The following FAP variants were observed in gnomAD, a reference collection of about 807,000 sequenced individuals.
The protein encoded by FAP is fibroblast activation protein alpha.
In FAP, 110 loss-of-function variants were observed where a neutral mutation model predicts 126.5. That is an observed-to-expected ratio of 0.87 (90% CI 0.74 to 1.02). The LOEUF (loss-of-function observed/expected upper bound fraction) is 1.02, where lower values mean the gene tolerates loss of function less well. Ranked by LOEUF, FAP falls within the 50% of genes least tolerant of loss-of-function variation. The pLI, the probability that FAP is intolerant of heterozygous loss-of-function variation, is 0.00. For missense variants in FAP, 919 were observed against 909.2 expected, an observed-to-expected ratio of 1.01 and a Z score of -0.14; for synonymous variants, 334 against 297.3, an observed-to-expected ratio of 1.12 and a Z score of -1.27.
intron 11 of FAP, among the ~76,000 whole-genome samples, chr2:162,211,975 A>T (rs1456792835): frequency 3.3e-5 from 5 of 152,184 alleles, no homozygotes; most frequent in African/African-American, 1.2e-4. Flanking sequence ...TGTTGTTCTC[A>T]AATCTCAAAA....
Position 162,193,243 on chromosome 2 carries a change from G to A in FAP, c.1450+1458C>T, listed in dbSNP as rs555250063. The stretch of plus-strand genomic sequence containing the variant: ...CAAATTTCCAAGCATAACTTAAGAC[G>A]TACCACATTAAAATCTTTGGGGAAG... On this transcript the variant is annotated intron_variant, in intron 17 of 25. Transcript: ENST00000188790. 1.9e-3 allele frequency among the ~76,000 whole-genome samples: 287 copies of A among 152,152 alleles called. 1 individual carries two copies. The highest frequency in any genetic ancestry group is 6.4e-3 in the African/African-American group (264 of 41,496).
intron 14 of FAP, 90 bp from the exon 15 acceptor site, chr2:162,200,709 A>G: frequency 1.7e-6 from 1 of 593,686 alleles, no homozygotes; most frequent in Non-Finnish European, 2.9e-6. Context: ...CAATATAGGT[A>G]AGCATTTATC....
At chr2:162,192,989 C>T (rs1203889500) in intron 17 of FAP, among the ~76,000 whole-genome samples, 1 of 152,094 alleles carries the variant, frequency 6.6e-6, no homozygotes, top group Non-Finnish European at 1.5e-5. Flanking sequence ...TGCCCATTTC[C>T]ATGTTCATAT....
At chr2:162,227,104 A>G (rs1576191726) in intron 2 of FAP, among the ~76,000 whole-genome samples, 1 of 152,266 alleles carries the variant, frequency 6.6e-6, no homozygotes, top group East Asian at 1.9e-4. Flanking sequence ...TTTATCAATG[A>G]TGTATTTTAG....
intron 21 of FAP, among the ~76,000 whole-genome samples, chr2:162,181,332 G>A (rs964859582): frequency 6.6e-6 from 1 of 152,092 alleles, no homozygotes; most frequent in African/African-American, 2.4e-5. Context: ...GAAGAATGAA[G>A]AGAAAGGTGT....
chr2:162,236,817 G>C (rs1576202833), intron 2 of FAP, among the ~76,000 whole-genome samples: 1 of 152,202 alleles, frequency 6.6e-6, no homozygotes, highest in East Asian at 1.9e-4. Context: ...TGGCTAGGCT[G>C]GTCTTGAACT....
rs78292906 is a variant in FAP at position 162,212,493 on chromosome 2, T to C, written c.1002+1445A>G. ...TATATATAAGATAAAAATACGCTTC[T>C]AGCATATTCCATCAAAATTAGTCGA... On this transcript the variant is annotated intron_variant, in intron 11 of 25. Transcript: ENST00000188790. Among the ~76,000 whole-genome samples the C allele has an allele frequency of 4.4e-3, 672 of 152,280 alleles. 4 individuals are homozygous for C. Among genetic ancestry groups the C allele is most frequent in the Non-Finnish European group, 7.3e-3 (497 of 68,004 alleles).
At chr2:162,209,875 C>T in intron 12 of FAP, 77 bp downstream of exon 12, 8 of 1,276,436 alleles carry the variant, frequency 6.3e-6, no homozygotes, top group Non-Finnish European at 9.1e-6. Context: ...AGTTTGGGTA[C>T]ATTGCAAATA....
rs1419869799 is a variant in FAP, at chr2:162,171,096, A to G, written c.2182-16T>C. The G allele has an allele frequency of 1.9e-6, 3 of 1,607,746 alleles. No homozygotes were observed. The highest frequency in any genetic ancestry group is 2.6e-6 in the Non-Finnish European group (3 of 1,175,208). On this transcript the variant is annotated splice_polypyrimidine_tract_variant and intron_variant, in intron 25 of 25. Coordinates refer to ENST00000188790, the MANE Select transcript of FAP (RefSeq NM_004460.5). Reference sequence around the variant, plus strand: ...CAGAGTACCACTGAAACACAAAGAAAAAAGCTTGTTTTATTCCTGCAGTCA... The same window carrying G: ...CAGAGTACCACTGAAACACAAAGAAGAAAGCTTGTTTTATTCCTGCAGTCA...
At chr2:162,225,444 C>T (rs751363960) in intron 4 of FAP, 39 bp downstream of exon 4, 36 of 1,580,468 alleles carry the variant, frequency 2.3e-5, no homozygotes, top group Non-Finnish European at 3.1e-5. Context: ...GAAGAGTGGG[C>T]AAAGGTTTCT....
intron 6 of FAP, among the ~76,000 whole-genome samples, chr2:162,220,486 G>A (rs1689344019): frequency 6.6e-6 from 1 of 152,200 alleles, no homozygotes; most frequent in Admixed American, 6.5e-5. Context: ...CTCTGTGAAT[G>A]CATATGCATT....
intron 2 of FAP, among the ~76,000 whole-genome samples, chr2:162,241,921 G>A (rs558268370): frequency 5.9e-5 from 9 of 151,922 alleles, no homozygotes; most frequent in East Asian, 1.9e-4. Flanking sequence ...TTTAATTTTC[G>A]AAAACATTTT....
chr2:162,219,696 G>C (rs1426688235), intron 7 of FAP, among the ~76,000 whole-genome samples, 157 bp downstream of exon 7: 6 of 152,208 alleles, frequency 3.9e-5, no homozygotes, highest in Admixed American at 2.6e-4. Context: ...ATTCTCAGAT[G>C]GGTTTCAATT....
In FAP at chr2:162,171,009, G is replaced by A. The variant is rs1259353898; in HGVS notation, c.2253C>T (p.Phe751=). ...CTGACAAAGAGAAACACTGCTTTAG[G>A]AAGTGGGTCATGTGGGTGTATAAGT... ...TNHLYTHMTH[F]LKQCFSLSD is the part of the protein sequence containing the mutation. The change falls in exon 26 of 26, where the codon TTC becomes TTT. Residue 751 remains phenylalanine (F), a synonymous_variant. Coordinates refer to ENST00000188790, the MANE Select transcript of FAP (RefSeq NM_004460.5). 1.2e-6 allele frequency: 2 copies of A among 1,613,160 alleles called. No homozygotes were observed. Among genetic ancestry groups the A allele is most frequent in the Non-Finnish European group, 1.7e-6 (2 of 1,179,374 alleles).
intron 6 of FAP, among the ~76,000 whole-genome samples, chr2:162,222,390 A>C (rs1689445294): frequency 6.6e-6 from 1 of 152,232 alleles, no homozygotes; most frequent in East Asian, 1.9e-4. Flanking sequence ...CTCAGAATGC[A>C]TTAGATGGAT....
intron 14 of FAP, among the ~76,000 whole-genome samples, chr2:162,201,191 C>T (rs1688483351): frequency 6.6e-6 from 1 of 152,176 alleles, no homozygotes; most frequent in East Asian, 1.9e-4. Flanking sequence ...AGTTTCATGA[C>T]ATGGTTTTCA....
At chr2:162,215,419 C>T (rs1319763676) in intron 10 of FAP, among the ~76,000 whole-genome samples, 3 of 152,198 alleles carry the variant, frequency 2.0e-5, no homozygotes, top group Non-Finnish European at 2.9e-5. Context: ...GAATCCTTCA[C>T]GTCCCTGCCT....
chr2:162,241,196 T>C (rs2106309402), intron 2 of FAP, among the ~76,000 whole-genome samples: 1 of 152,330 alleles, frequency 6.6e-6, no homozygotes, highest in Non-Finnish European at 1.5e-5. Context: ...TTGAGTTTAA[T>C]TTGATTATTT....
chr2:162,237,768 A>C (rs1468901280), intron 2 of FAP, among the ~76,000 whole-genome samples: 1 of 152,194 alleles, frequency 6.6e-6, no homozygotes, highest in Non-Finnish European at 1.5e-5. Context: ...ATCCTTGAGG[A>C]ATCACAAGGA....
Sources: allele counts gnomAD v4.1 joint callset (sites outside exome capture counted in the v4.1 genomes callset), GRCh38; gene constraint gnomAD v4.1.1; transcripts MANE v1.5; gene names NCBI Gene and HGNC (gene_info 2026-07-23, HGNC 2026-07-21).